The following PLD5 variants were observed in gnomAD, a reference collection of about 807,000 sequenced individuals.
The protein encoded by PLD5 is inactive phospholipase D5.
PLD5 carries 36 observed loss-of-function variants against 61.1 expected under a neutral mutation model. That is an observed-to-expected ratio of 0.59 (90% CI 0.45 to 0.78). The LOEUF is 0.78. Ranked by LOEUF, PLD5 falls within the 30% of genes least tolerant of loss-of-function variation. The pLI is 0.00. For synonymous variants in PLD5, 243 were observed against 242.8 expected, an observed-to-expected ratio of 1.00 and a Z score of -0.01; for missense variants, 515 against 644.4, an observed-to-expected ratio of 0.80 and a Z score of 2.17.
At chr1:242,381,152 T>C (rs1038347264) in intron 1 of PLD5, among the ~76,000 whole-genome samples, 2 of 152,218 alleles carry the variant, frequency 1.3e-5, no homozygotes, top group Non-Finnish European at 2.9e-5. Context: ...TCAATCCAAA[T>C]GCCCATCAAT....
At chr1:242,188,891 T>G (rs941720883) in intron 5 of PLD5, 6 of 152,216 alleles carry the variant, frequency 3.9e-5, no homozygotes, top group African/African-American at 9.7e-5. Flanking sequence ...ACTACACTTT[T>G]GCGACTCTCA....
intron 4 of PLD5, among the ~76,000 whole-genome samples, chr1:242,234,207 C>A (rs1281198890): frequency 6.6e-6 from 1 of 152,110 alleles, no homozygotes; most frequent in Non-Finnish European, 1.5e-5. Context: ...TATCACAGAA[C>A]TCAAAGGAGG....
chr1:242,092,706 G>T (rs573296418), intron 9 of PLD5, among the ~76,000 whole-genome samples: 1 of 152,168 alleles, frequency 6.6e-6, no homozygotes, highest in Non-Finnish European at 1.5e-5. Context: ...CCAAGGGCCC[G>T]CAGTCATCTG....
chr1:242,520,137 A>G (rs1669233952), intron 1 of PLD5, among the ~76,000 whole-genome samples: 1 of 152,204 alleles, frequency 6.6e-6, no homozygotes, highest in Admixed American at 6.5e-5. Context: ...CACATGAGTC[A>G]TATGAATGGA....
intron 1 of PLD5, among the ~76,000 whole-genome samples, chr1:242,353,601 A>C (rs1660595156): frequency 6.6e-6 from 1 of 152,052 alleles, no homozygotes; most frequent in Non-Finnish European, 1.5e-5. Flanking sequence ...TAAATCTGTA[A>C]ATTTCTTTGC....
At chr1:242,158,443 A>G (rs1285984164) in intron 5 of PLD5, among the ~76,000 whole-genome samples, 1 of 152,098 alleles carries the variant, frequency 6.6e-6, no homozygotes, top group Non-Finnish European at 1.5e-5. Context: ...CTGGTGGGGT[A>G]GGCACCAGAG....
chr1:242,492,317 G>A (rs529478426), intron 1 of PLD5, among the ~76,000 whole-genome samples: 1 of 151,952 alleles, frequency 6.6e-6, no homozygotes, highest in South Asian at 2.1e-4. Flanking sequence ...TTCGAGACCT[G>A]CCTGGCCAAC....
chr1:242,385,021 A>C (rs1662519449), intron 1 of PLD5, among the ~76,000 whole-genome samples: 1 of 152,204 alleles, frequency 6.6e-6, no homozygotes, highest in Non-Finnish European at 1.5e-5. Flanking sequence ...AAAGCAAGGA[A>C]GCTATCAACA....
chr1:242,207,932 T>TTATTTATTTTTA (rs1669524595), intron 5 of PLD5, among the ~76,000 whole-genome samples: 1 of 30,834 alleles, frequency 3.2e-5, no homozygotes, highest in Non-Finnish European at 5.4e-5. Context: ...TTATATATAT[T>TTATTTATTTTTA]TATATATTTA....
chr1:242,296,435 G>A (rs966602076), intron 2 of PLD5, among the ~76,000 whole-genome samples: 1 of 151,978 alleles, frequency 6.6e-6, no homozygotes, highest in African/African-American at 2.4e-5. Flanking sequence ...GAGATCATAT[G>A]GCTACAATTA....
chr1:242,114,038 C>G lies in PLD5; in HGVS notation c.934-12G>C. The stretch of plus-strand genomic sequence containing the variant: ...AGTTTTGGAGAATTCTGTGAAGACA[C>G]AAAAGCCAAACTTTTAGCGTACTAA... On this transcript the variant is annotated splice_polypyrimidine_tract_variant and intron_variant, in intron 6 of 9. Transcript: ENST00000536534. The G allele has an allele frequency of 6.2e-7, 1 of 1,610,262 alleles. No homozygotes were observed. The highest frequency in any genetic ancestry group is 8.5e-7 in the Non-Finnish European group (1 of 1,178,162).
chr1:242,222,549 A>C (rs1361352725), intron 4 of PLD5, among the ~76,000 whole-genome samples: 1 of 152,186 alleles, frequency 6.6e-6, no homozygotes, highest in Non-Finnish European at 1.5e-5. Context: ...GGCGTGGGAC[A>C]CTGTGTCTGA....
At chr1:242,320,123 T>C (rs1658289855) in intron 2 of PLD5, among the ~76,000 whole-genome samples, 1 of 152,266 alleles carries the variant, frequency 6.6e-6, no homozygotes, top group Admixed American at 6.5e-5. Context: ...GCCACGGTCA[T>C]CTTTGATTTA....
chr1:242,097,473 T>G (rs555338499), intron 9 of PLD5, among the ~76,000 whole-genome samples: 1 of 152,320 alleles, frequency 6.6e-6, no homozygotes, highest in South Asian at 2.1e-4. Flanking sequence ...CTCATTGTGG[T>G]TTTGATTTGC....
At chr1:242,233,762 G>T (rs1357295671) in intron 4 of PLD5, among the ~76,000 whole-genome samples, 3 of 152,140 alleles carry the variant, frequency 2.0e-5, no homozygotes, top group Non-Finnish European at 4.4e-5. Flanking sequence ...ATGAGTGAAT[G>T]AATCAATGTT....
At chr1:242,124,187 A>G (rs986952136) in intron 6 of PLD5, among the ~76,000 whole-genome samples, 1 of 152,132 alleles carries the variant, frequency 6.6e-6, no homozygotes, top group African/African-American at 2.4e-5. Flanking sequence ...CGATACCTTC[A>G]TTTGCAAAAT....
At chr1:242,269,525 A>G (rs1388913540) in intron 3 of PLD5, among the ~76,000 whole-genome samples, 1 of 151,192 alleles carries the variant, frequency 6.6e-6, no homozygotes, top group Non-Finnish European at 1.5e-5. Flanking sequence ...CTGATGAAAA[A>G]CTATCAAGAG....
chr1:242,481,542 AG>A (rs1287349117), intron 1 of PLD5, among the ~76,000 whole-genome samples: 1 of 152,240 alleles, frequency 6.6e-6, no homozygotes, highest in Admixed American at 6.5e-5. Flanking sequence ...AGGCTTGAGT[AG>A]GTAAACAAAG....
At chr1:242,313,077 A>G (rs1269187562) in intron 2 of PLD5, among the ~76,000 whole-genome samples, 1 of 152,228 alleles carries the variant, frequency 6.6e-6, no homozygotes, top group Non-Finnish European at 1.5e-5. Flanking sequence ...GACAATGTAC[A>G]TAAAGGATTT....
Sources: gnomAD v4.1 joint callset for allele counts (sites outside exome capture counted in the v4.1 genomes callset) on GRCh38, gnomAD v4.1.1 for gene constraint, MANE v1.5 for transcripts, NCBI Gene and HGNC (gene_info 2026-07-23, HGNC 2026-07-21) for gene names.